The following GAL3ST4 variants were observed in gnomAD, a reference collection of about 807,000 sequenced individuals.
The protein encoded by GAL3ST4 is galactose-3-O-sulfotransferase 4.
GAL3ST4 carries 30 observed loss-of-function variants against 31.6 expected under a neutral mutation model. The observed-to-expected ratio is 0.95, with a 90% CI of 0.71 to 1.29. The LOEUF (loss-of-function observed/expected upper bound fraction) is 1.29. Ranked by LOEUF, GAL3ST4 falls within the 50% of genes most tolerant of loss-of-function variation. GAL3ST4 has a pLI of 0.00. For missense variants in GAL3ST4, 629 were observed against 625.2 expected (o/e 1.01, Z -0.06); for synonymous variants, 248 against 256.9 (o/e 0.97, Z 0.33).
intron 3 of GAL3ST4, among the ~76,000 whole-genome samples, chr7:100,163,999 A>G (rs1562955179): frequency 6.6e-6 from 1 of 152,238 alleles, no homozygotes; most frequent in Non-Finnish European, 1.5e-5. Context: ...GTAACTGGGT[A>G]ACACTTACCT....
chr7:100,166,822 G>T lies in GAL3ST4; in HGVS notation c.126-17C>A. 6.3e-7 allele frequency: 1 copy of T among 1,584,856 alleles called. No individual in the cohort carries two copies. Among genetic ancestry groups the T allele is most frequent in the Non-Finnish European group, 8.6e-7 (1 of 1,165,454 alleles). The stretch of plus-strand genomic sequence containing the variant: ...CCAGGTAGCCTGGGAAGAGATGGAG[G>T]GGGAGTGTCCTGTTCCTCAGCAGCA... On this transcript the variant is annotated splice_polypyrimidine_tract_variant and intron_variant, in intron 2 of 3. Coordinates refer to ENST00000360039, the MANE Select transcript of GAL3ST4 (RefSeq NM_024637.5).
chr7:100,167,390 G>A (rs1799092175), intron 1 of GAL3ST4, 107 bp from the exon 2 acceptor site: 1 of 541,582 alleles, frequency 1.8e-6, no homozygotes, highest in Non-Finnish European at 3.2e-6. Flanking sequence ...GAGTGGCTGG[G>A]GATGTTGTCT....
chr7:100,165,510 G>A (rs1252760292), intron 3 of GAL3ST4, among the ~76,000 whole-genome samples: 1 of 152,034 alleles, frequency 6.6e-6, no homozygotes, highest in Non-Finnish European at 1.5e-5. Flanking sequence ...AAGTCAGAAG[G>A]CAGTGGGGGA....
At position 100,160,371 on chromosome 7, in the gene GAL3ST4, G is replaced by A; in HGVS notation, c.1018C>T (p.Leu340Phe). 1 of 1,614,100 alleles carries A rather than the reference G, an allele frequency of 6.2e-7. No homozygotes were observed. Among genetic ancestry groups the A allele is most frequent in the Non-Finnish European group, 8.5e-7 (1 of 1,180,042 alleles). ...AGTCCACTGTTGCTGACAGTGCTGA[G>A]GCCCTGCTTATGTCCAGCCTGGGCA... ...HNAQAGHKQG[L>F]STVSNSGLTA... The change falls in exon 4 of 4, where the codon CTC becomes TTC. Residue 340 changes from leucine to phenylalanine, a missense_variant. Leu to Phe is a conservative substitution (Grantham distance 22). Coordinates refer to ENST00000360039, the MANE Select transcript of GAL3ST4 (RefSeq NM_024637.5).
chr7:100,167,060 G>C lies in GAL3ST4; in HGVS notation c.36C>G (p.Leu12=). ...CCACCCCCAGGCTCCGAGGTCCCCA[G>C]AGCCGCAGCGTCCTGGCAGGAGAGA... is the stretch of plus-strand genomic sequence containing the variant. ...GPLSPARTLR[L]WGPRSLGVAL... The change falls in exon 2 of 4, where the codon CTC becomes CTG. Residue 12 remains leucine, a synonymous_variant. Coordinates refer to ENST00000360039, the MANE Select transcript of GAL3ST4 (RefSeq NM_024637.5). 3 of 1,558,076 alleles carry C rather than the reference G, an allele frequency of 1.9e-6. No individual in the cohort carries two copies. Among genetic ancestry groups the C allele is most frequent in the Non-Finnish European group, 2.6e-6 (3 of 1,150,274 alleles).
intron 3 of GAL3ST4, among the ~76,000 whole-genome samples, chr7:100,165,819 T>TCTCACA (rs769054157): frequency 9.5e-5 from 13 of 136,374 alleles, no homozygotes; most frequent in African/African-American, 2.5e-4. Context: ...AGACCCTGTC[T>TCTCACA]CACACACACA....
At position 100,160,675 on chromosome 7, in the gene GAL3ST4, T is replaced by TG. The variant is rs1332058293; in HGVS notation, c.713dup (p.Gln239ThrfsTer30). On this transcript the variant is annotated frameshift_variant, in exon 4 of 4. Coordinates refer to ENST00000360039, the MANE Select transcript of GAL3ST4 (RefSeq NM_024637.5). LOFTEE classifies it high-confidence loss of function. ...CACCAGAAGGCAAGACCTGCAGCTG[T>TG]GGGGGGTTGGGGTCTCTGGGGGGAT... 2 of 1,613,554 alleles carry TG rather than the reference T, an allele frequency of 1.2e-6. No individual in the cohort carries two copies. Among genetic ancestry groups the TG allele is most frequent in the Non-Finnish European group, 1.7e-6 (2 of 1,179,844 alleles).
rs1158595596 is a variant in GAL3ST4 at position 100,159,485 on chromosome 7, G to A, written c.*443C>T. On this transcript the variant is annotated 3_prime_UTR_variant, in exon 4 of 4. Transcript: ENST00000360039. Reference sequence around the variant, plus strand: ...CGCCTGTAATGGCAGCACTTTGGGAGGCAGAGTCATGTGGATCACCTGAGG... The same window carrying A: ...CGCCTGTAATGGCAGCACTTTGGGAAGCAGAGTCATGTGGATCACCTGAGG... The A allele has an allele frequency of 1.3e-5, 2 of 158,556 alleles. No homozygotes were observed. The highest frequency in any genetic ancestry group is 1.7e-4 in the South Asian group (1 of 5,956). The allele number at this position is 158,556 out of a possible 1,614,324, so 9.8% of individuals were successfully genotyped here. A position where few individuals can be genotyped will look rare whatever the true frequency, so the allele number is the denominator to read the frequency against.
At chr7:100,163,692 T>G (rs1033086085) in intron 3 of GAL3ST4, among the ~76,000 whole-genome samples, 4 of 151,878 alleles carry the variant, frequency 2.6e-5, no homozygotes, top group African/African-American at 9.7e-5. Context: ...ACACCAACAT[T>G]CCCTGTTAAT....
At position 100,166,626 on chromosome 7, in the gene GAL3ST4, C is replaced by T. The variant is rs200571320; in HGVS notation, c.305G>A (p.Arg102His). ...QHGLRFALPA[R>H]YQFGYPKLFQ... ...GAGCTTTGGGTAGCCAAACTGGTAG[C>T]GGGCAGGGAGGGCGAAGCGCAGCCC... Residue 102 changes from arginine (R) to histidine (H), a missense_variant, in exon 3 of 4, where the codon CGC becomes CAC. Physicochemically the swap from Arg to His is conservative, Grantham distance 29. Coordinates refer to ENST00000360039, the MANE Select transcript of GAL3ST4 (RefSeq NM_024637.5). 1.8e-4 allele frequency: 284 copies of T among 1,614,050 alleles called. No individual in the cohort carries two copies. The highest frequency in any genetic ancestry group is 2.3e-4 in the Non-Finnish European group (268 of 1,180,052).
At chr7:100,160,980 A>G (rs780717594) in intron 3 of GAL3ST4, 21 bp from the exon 4 acceptor site, 1 of 1,552,262 alleles carries the variant, frequency 6.4e-7, no homozygotes, top group East Asian at 2.2e-5. Flanking sequence ...GGGAAGACAG[A>G]AGAGAGAGAA....
In GAL3ST4 at chr7:100,159,757, T is replaced by A; in HGVS notation, c.*171A>T. Reference sequence around the variant, plus strand: ...AGTTGGGGGGAAAGAACAAAATGAGTGGAGGGTGGAGGAGGGAAGCACTGC... The same window carrying A: ...AGTTGGGGGGAAAGAACAAAATGAGAGGAGGGTGGAGGAGGGAAGCACTGC... On this transcript the variant is annotated 3_prime_UTR_variant, in exon 4 of 4. Transcript: ENST00000360039. 4 of 534,686 alleles carry A rather than the reference T, an allele frequency of 7.5e-6. No homozygotes were observed. The highest frequency in any genetic ancestry group is 2.8e-5 in the South Asian group (1 of 35,310). The allele number at this position is 534,686 out of a possible 1,614,324, so 33.1% of individuals were successfully genotyped here. A position where few individuals can be genotyped will look rare whatever the true frequency, so the allele number is the denominator to read the frequency against.
chr7:100,163,671 A>G (rs1162474946), intron 3 of GAL3ST4, among the ~76,000 whole-genome samples: 1 of 151,918 alleles, frequency 6.6e-6, no homozygotes, highest in Non-Finnish European at 1.5e-5. Flanking sequence ...AATAGCTGGG[A>G]CTACAGGCAC....
chr7:100,162,268 C>T (rs1285249381), intron 3 of GAL3ST4, among the ~76,000 whole-genome samples: 1 of 151,704 alleles, frequency 6.6e-6, no homozygotes, highest in Admixed American at 6.6e-5. Context: ...AGAAAGGGGC[C>T]GGGTGCAGTG....
chr7:100,163,073 A>T (rs1799027215), intron 3 of GAL3ST4, among the ~76,000 whole-genome samples: 1 of 152,178 alleles, frequency 6.6e-6, no homozygotes, highest in Non-Finnish European at 1.5e-5. Flanking sequence ...ACTGGCAACA[A>T]AGGAGCAACT....
At chr7:100,163,470 ACT>A (rs1799032576) in intron 3 of GAL3ST4, among the ~76,000 whole-genome samples, 1 of 142,184 alleles carries the variant, frequency 7.0e-6, no homozygotes, top group African/African-American at 2.6e-5. Context: ...CAGCCTGTGA[ACT>A]CTCTTTTTTT....
chr7:100,166,779 G>A lies in GAL3ST4; in HGVS notation c.152C>T (p.Pro51Leu). 1 of 1,610,254 alleles carries A rather than the reference G, an allele frequency of 6.2e-7. No individual in the cohort carries two copies. The highest frequency in any genetic ancestry group is 1.1e-5 in the South Asian group (1 of 90,772). ...GGCTGGTCGTAGGGATGGGGCCGAG[G>A]GCTGTCGGAGCTGTAGCCCAGGTAG... ...RRLPGLQLRQ[P>L]SAPSLRPALP... is the part of the protein sequence containing the mutation. The change falls in exon 3 of 4, where the codon CCC becomes CTC. Residue 51 changes from proline (P) to leucine (L), a missense_variant. Physicochemically the swap from Pro to Leu is moderately conservative, Grantham distance 98. Coordinates refer to ENST00000360039, the MANE Select transcript of GAL3ST4 (RefSeq NM_024637.5).
intron 3 of GAL3ST4, among the ~76,000 whole-genome samples, chr7:100,163,746 A>G (rs1799036381): frequency 6.6e-6 from 1 of 151,790 alleles, no homozygotes; most frequent in Non-Finnish European, 1.5e-5. Context: ...TGTTGCCCAG[A>G]TTGGCGTTGA....
chr7:100,166,463 T>C, intron 3 of GAL3ST4, 39 bp downstream of exon 3: 1 of 1,569,156 alleles, frequency 6.4e-7, no homozygotes, highest in Non-Finnish European at 8.7e-7. Flanking sequence ...CCTGAGCCCA[T>C]CTGTTTCTGG....
Sources: allele counts gnomAD v4.1 joint callset (sites outside exome capture counted in the v4.1 genomes callset), GRCh38; gene constraint gnomAD v4.1.1; transcripts MANE v1.5; gene names NCBI Gene and HGNC (gene_info 2026-07-23, HGNC 2026-07-21).